The following MARCHF1 variants were observed in gnomAD, a reference collection of about 807,000 sequenced individuals.
MARCHF1 encodes the protein membrane associated ring-CH-type finger 1, also known as E3 ubiquitin-protein ligase MARCHF1.
A neutral mutation model predicts 54.2 loss-of-function variants in MARCHF1; 40 were observed. That is an observed-to-expected ratio of 0.74 (90% CI 0.57 to 0.96). The LOEUF is 0.96. Ranked by LOEUF, MARCHF1 falls within the 40% of genes least tolerant of loss-of-function variation. The pLI, the probability that MARCHF1 is intolerant of heterozygous loss-of-function variation, is 0.00. For synonymous variants in MARCHF1, 236 were observed against 236.3 expected, an observed-to-expected ratio of 1.00 and a Z score of 0.01; for missense variants, 586 against 656.5, an observed-to-expected ratio of 0.89 and a Z score of 1.17.
chr4:163,833,411 A>G (rs1749087269), intron 4 of MARCHF1, among the ~76,000 whole-genome samples: 1 of 152,144 alleles, frequency 6.6e-6, no homozygotes, highest in South Asian at 2.1e-4. Context: ...AAAAGAAACC[A>G]CCATCAGAGT....
At chr4:163,594,765 C>CAT (rs1428287131) in intron 7 of MARCHF1, among the ~76,000 whole-genome samples, 1 of 150,210 alleles carries the variant, frequency 6.7e-6, no homozygotes, top group African/African-American at 2.5e-5. Flanking sequence ...CACAAACACA[C>CAT]ACACACACAC....
At chr4:163,929,606 C>T (rs975471220) in intron 3 of MARCHF1, among the ~76,000 whole-genome samples, 3 of 151,474 alleles carry the variant, frequency 2.0e-5, no homozygotes, top group Admixed American at 1.3e-4. Flanking sequence ...CTAATGCTAA[C>T]CAGGTATATA....
intron 5 of MARCHF1, among the ~76,000 whole-genome samples, chr4:163,671,992 A>G (rs1296363164): frequency 6.6e-6 from 1 of 152,220 alleles, no homozygotes; most frequent in African/African-American, 2.4e-5. Flanking sequence ...AGATGAAAAT[A>G]TAACTCACCT....
chr4:163,719,630 A>T (rs1401657214), intron 4 of MARCHF1, among the ~76,000 whole-genome samples: 1 of 151,918 alleles, frequency 6.6e-6, no homozygotes, highest in Non-Finnish European at 1.5e-5. Flanking sequence ...TGGTTGAACT[A>T]GTTTACAGTC....
chr4:163,605,452 T>C (rs543178847), intron 7 of MARCHF1, among the ~76,000 whole-genome samples: 12 of 152,296 alleles, frequency 7.9e-5, no homozygotes, highest in African/African-American at 2.9e-4. Flanking sequence ...TTTTACACTG[T>C]TGGTGGGAGT....
chr4:163,638,403 AC>A (rs1240607788), intron 5 of MARCHF1, among the ~76,000 whole-genome samples: 2 of 152,048 alleles, frequency 1.3e-5, no homozygotes, highest in Admixed American at 6.6e-5. Context: ...TTAAAAGTAT[AC>A]GGCACCTACC....
chr4:163,616,302 C>T lies in MARCHF1; in HGVS notation c.163-2909G>A, dbSNP rs565655263. Among the ~76,000 whole-genome samples the T allele has an allele frequency of 1.5e-4, 23 of 152,150 alleles. No individual in the cohort carries two copies. In the South Asian group the frequency reaches 2.5e-3, roughly 16 times the overall value. ...TCTGCACAACAAAGAAAACAATCAA[C>T]GTAGTGAAGAGACAGTCTGTAGCAT... On this transcript the variant is annotated intron_variant, in intron 5 of 9. Coordinates refer to ENST00000514618, the MANE Select transcript of MARCHF1 (RefSeq NM_001394959.1).
chr4:163,563,802 G>A (rs1248111372), intron 8 of MARCHF1, among the ~76,000 whole-genome samples: 2 of 152,144 alleles, frequency 1.3e-5, no homozygotes, highest in East Asian at 3.8e-4. Flanking sequence ...AATTCTGGCC[G>A]AATATTGTAG....
intron 3 of MARCHF1, among the ~76,000 whole-genome samples, chr4:163,931,858 C>G (rs1340130140): frequency 6.6e-6 from 1 of 152,166 alleles, no homozygotes; most frequent in Non-Finnish European, 1.5e-5. Flanking sequence ...TTTGGATTTA[C>G]CAAATCTCCA....
intron 9 of MARCHF1, among the ~76,000 whole-genome samples, chr4:163,531,416 G>A (rs1052357759): frequency 1.3e-5 from 2 of 151,644 alleles, no homozygotes; most frequent in African/African-American, 4.8e-5. Context: ...AAAATACGAC[G>A]CTCAATCATG....
At chr4:164,360,464 A>G (rs1730691771) in intron 1 of MARCHF1, among the ~76,000 whole-genome samples, 1 of 152,194 alleles carries the variant, frequency 6.6e-6, no homozygotes, top group African/African-American at 2.4e-5. Flanking sequence ...AAGACAATAA[A>G]AAACAATTCC....
intron 3 of MARCHF1, among the ~76,000 whole-genome samples, chr4:163,859,423 G>C (rs1238108243): frequency 6.7e-6 from 1 of 148,912 alleles, no homozygotes; most frequent in Non-Finnish European, 1.5e-5. Context: ...GCAATGGCGT[G>C]ATCTTGGCTC....
intron 1 of MARCHF1, among the ~76,000 whole-genome samples, chr4:164,210,175 T>C (rs966001665): frequency 6.6e-6 from 1 of 152,206 alleles, no homozygotes; most frequent in Non-Finnish European, 1.5e-5. Context: ...AAAAGTGTGA[T>C]TAAACTGATT....
At chr4:163,654,500 T>C (rs1303516779) in intron 5 of MARCHF1, among the ~76,000 whole-genome samples, 1 of 151,628 alleles carries the variant, frequency 6.6e-6, no homozygotes, top group Non-Finnish European at 1.5e-5. Flanking sequence ...CTTCCTGAAA[T>C]TTTGATAACT....
chr4:164,097,615 TTAAGTA>T (rs140664717), intron 2 of MARCHF1, among the ~76,000 whole-genome samples: 1,617 of 152,238 alleles, frequency 0.011, 25 homozygotes, highest in African/African-American at 0.036. Flanking sequence ...TCCTCTGTAT[TTAAGTA>T]TATGTATTAA....
intron 3 of MARCHF1, among the ~76,000 whole-genome samples, chr4:163,973,419 C>T (rs1213711793): frequency 2.0e-5 from 3 of 152,194 alleles, no homozygotes; most frequent in African/African-American, 7.2e-5. Context: ...CCTCATTATC[C>T]AAAAGCTACT....
At chr4:164,035,757 A>AT (rs982558865) in intron 2 of MARCHF1, among the ~76,000 whole-genome samples, 1 of 151,620 alleles carries the variant, frequency 6.6e-6, no homozygotes, top group Non-Finnish European at 1.5e-5. Context: ...CTTTACATAG[A>AT]TTAAAAAAAA....
chr4:163,733,159 C>CTA, intron 4 of MARCHF1, among the ~76,000 whole-genome samples: 1 of 101,706 alleles, frequency 9.8e-6, no homozygotes, highest in Non-Finnish European at 2.0e-5. Flanking sequence ...TTCTCTCTCT[C>CTA]TCTCTCTCTG....
At position 163,525,859 on chromosome 4, in the gene MARCHF1, A is replaced by C. The variant is rs1370139351; in HGVS notation, c.*2889T>G. On this transcript the variant is annotated 3_prime_UTR_variant, in exon 10 of 10. Coordinates refer to ENST00000514618, the MANE Select transcript of MARCHF1 (RefSeq NM_001394959.1). ...AAAGCTAAATCGTTTTATTGTTTGA[A>C]AGGGCAAATGTTCCATTGCCACACA... is the stretch of plus-strand genomic sequence containing the variant. 6.6e-6 allele frequency: 1 copy of C among 152,120 alleles called. No individual in the cohort carries two copies. Among genetic ancestry groups the C allele is most frequent in the Admixed American group, 6.6e-5 (1 of 15,234 alleles). The allele number at this position is 152,120 out of a possible 1,614,324, so 9.4% of individuals were successfully genotyped here.
Sources: gnomAD v4.1 joint callset for allele counts (sites outside exome capture counted in the v4.1 genomes callset) on GRCh38, gnomAD v4.1.1 for gene constraint, MANE v1.5 for transcripts, NCBI Gene and HGNC (gene_info 2026-07-23, HGNC 2026-07-21) for gene names.